The following FRMD6 variants were observed in gnomAD, a reference collection of about 807,000 sequenced individuals.
FRMD6 encodes FERM domain containing 6.
Under a neutral mutation model 73.2 loss-of-function variants are expected in FRMD6, and 37 were observed. That is an observed-to-expected ratio of 0.51 (90% CI 0.39 to 0.66). The LOEUF is 0.66. FRMD6 is among the 30% of genes least tolerant of loss of function. FRMD6 has a pLI of 0.00. For missense variants in FRMD6, 714 were observed against 780.5 expected, an observed-to-expected ratio of 0.91 and a Z score of 1.02; for synonymous variants, 273 against 282.2, an observed-to-expected ratio of 0.97 and a Z score of 0.33.
chr14:51,440,630 G>A, the FRMD6 span, among the ~76,000 whole-genome samples: 2 of 152,214 alleles, frequency 1.3e-5, no homozygotes, highest in African/African-American at 2.4e-5. Context: ...AGGCAGAATA[G>A]TGTCAAGGAT....
intron 2 of FRMD6, among the ~76,000 whole-genome samples, chr14:51,606,071 C>T (rs1164998083): frequency 2.0e-5 from 3 of 152,112 alleles, no homozygotes; most frequent in Non-Finnish European, 4.4e-5. Flanking sequence ...GTAAGGTAAG[C>T]GTTATCCTTT....
At chr14:51,644,002 TAC>T (rs1891934368) in intron 2 of FRMD6, among the ~76,000 whole-genome samples, 1 of 152,192 alleles carries the variant, frequency 6.6e-6, no homozygotes, top group Admixed American at 6.5e-5. Flanking sequence ...AATTAATAAT[TAC>T]AGTTTTAGTT....
intron 2 of FRMD6, among the ~76,000 whole-genome samples, chr14:51,589,268 A>G (rs909307865): frequency 1.3e-5 from 2 of 151,258 alleles, no homozygotes; most frequent in Non-Finnish European, 2.9e-5. Context: ...AGTATTTATC[A>G]CTCCTAGATT....
At chr14:51,482,112 A>C in the FRMD6 span, among the ~76,000 whole-genome samples, 1 of 152,220 alleles carries the variant, frequency 6.6e-6, no homozygotes, top group Non-Finnish European at 1.5e-5. Flanking sequence ...TGTCTAGCAA[A>C]GGGTAACAGT....
At chr14:51,705,340 G>A (rs764472724) in intron 6 of FRMD6, among the ~76,000 whole-genome samples, 12 of 151,858 alleles carry the variant, frequency 7.9e-5, no homozygotes, top group African/African-American at 1.2e-4. Context: ...TTCTGGCTCC[G>A]GCCTCCATGT....
chr14:51,420,819 G>C, the FRMD6 span, among the ~76,000 whole-genome samples: 1 of 152,154 alleles, frequency 6.6e-6, no homozygotes. Flanking sequence ...CTGTCACCCA[G>C]ACTGGAGTGC....
chr14:51,467,775 C>T, the FRMD6 span, among the ~76,000 whole-genome samples: 1 of 151,408 alleles, frequency 6.6e-6, no homozygotes. Flanking sequence ...GACGGGATGA[C>T]GGCCAGGAAG....
intron 10 of FRMD6, among the ~76,000 whole-genome samples, chr14:51,718,936 A>G (rs1897384548): frequency 6.6e-6 from 1 of 152,134 alleles, no homozygotes; most frequent in South Asian, 2.1e-4. Context: ...GCATGCAAGT[A>G]TTTTCACTTA....
At chr14:51,715,554 C>G in intron 10 of FRMD6, 55 bp downstream of exon 10, 1 of 1,429,314 alleles carries the variant, frequency 7.0e-7, no homozygotes, top group African/African-American at 1.4e-5. Flanking sequence ...CCTGTGGCCT[C>G]TTACTCTGAA....
At chr14:51,557,515 C>T (rs892425823) in intron 1 of FRMD6, among the ~76,000 whole-genome samples, 2 of 151,722 alleles carry the variant, frequency 1.3e-5, no homozygotes, top group African/African-American at 4.9e-5. Context: ...GTAGGGGGAG[C>T]CAGGGAGAGG....
intron 1 of FRMD6, among the ~76,000 whole-genome samples, chr14:51,537,243 G>A (rs1450304315): frequency 6.6e-6 from 1 of 152,130 alleles, no homozygotes; most frequent in Admixed American, 6.5e-5. Context: ...CCATCTAGTT[G>A]TAATCATACA....
the FRMD6 span, among the ~76,000 whole-genome samples, chr14:51,430,610 AAACAAAAAAC>A: frequency 2.0e-5 from 3 of 151,962 alleles, no homozygotes. Flanking sequence ...ATAAAAAAAA[AAACAAAAAAC>A]AACAAAAAAA....
intron 1 of FRMD6, among the ~76,000 whole-genome samples, chr14:51,515,381 G>A (rs1266495870): frequency 1.3e-5 from 2 of 152,140 alleles, no homozygotes; most frequent in East Asian, 3.9e-4. Context: ...ACCTTTTGAT[G>A]CCTACTGGCT....
At chr14:51,506,644 A>G (rs1566782881) in intron 1 of FRMD6, among the ~76,000 whole-genome samples, 1 of 152,170 alleles carries the variant, frequency 6.6e-6, no homozygotes, top group Non-Finnish European at 1.5e-5. Flanking sequence ...ATGCCCTTAA[A>G]GAAGATGACA....
At chr14:51,621,584 C>G (rs1289643777) in intron 2 of FRMD6, among the ~76,000 whole-genome samples, 1 of 152,166 alleles carries the variant, frequency 6.6e-6, no homozygotes, top group Non-Finnish European at 1.5e-5. Context: ...GAGAGGACAA[C>G]ATTTACTGGA....
chr14:51,573,022 C>T (rs75731609), intron 2 of FRMD6, among the ~76,000 whole-genome samples: 5,689 of 152,284 alleles, frequency 0.037, 148 homozygotes, highest in Non-Finnish European at 0.054. Flanking sequence ...TACCCCCACA[C>T]ACAAAAATCA....
chr14:51,608,587 C>T (rs1214347413), intron 2 of FRMD6, among the ~76,000 whole-genome samples: 3 of 152,070 alleles, frequency 2.0e-5, no homozygotes, highest in Non-Finnish European at 4.4e-5. Flanking sequence ...GTCACACTTT[C>T]CCTGTTCAGC....
chr14:51,555,999 A>G (rs563445742), intron 1 of FRMD6, among the ~76,000 whole-genome samples: 3 of 152,294 alleles, frequency 2.0e-5, no homozygotes, highest in East Asian at 3.9e-4. Flanking sequence ...TTGCCTTCTG[A>G]GGTAGTCATT....
intron 1 of FRMD6, among the ~76,000 whole-genome samples, chr14:51,657,215 CTT>C (rs893468395): frequency 6.7e-6 from 1 of 148,846 alleles, no homozygotes; most frequent in Non-Finnish European, 1.5e-5. Flanking sequence ...CAGTAGATGA[CTT>C]TTTTTTTTGG....
Sources: gnomAD v4.1 joint callset for allele counts (sites outside exome capture counted in the v4.1 genomes callset) on GRCh38, gnomAD v4.1.1 for gene constraint, MANE v1.5 for transcripts, NCBI Gene and HGNC (gene_info 2026-07-23, HGNC 2026-07-21) for gene names.